The following SLC24A2 variants were observed in gnomAD, a reference collection of about 807,000 sequenced individuals.
SLC24A2 encodes the protein sodium/potassium/calcium exchanger 2.
A neutral mutation model predicts 62.0 loss-of-function variants in SLC24A2; 36 were observed. That is an observed-to-expected ratio of 0.58 (90% confidence interval 0.44 to 0.77). SLC24A2 has a LOEUF of 0.77. Among genes scored for constraint, SLC24A2 ranks in the 30% least tolerant of loss-of-function variants. The pLI is 0.00. For synonymous variants in SLC24A2, 358 were observed against 294.0 expected (o/e 1.22, Z -2.23); for missense variants, 846 against 817.9 (o/e 1.03, Z -0.42).
chr9:19,829,808 TATAC>T, the SLC24A2 span, among the ~76,000 whole-genome samples: 802 of 26,688 alleles, frequency 0.03, 10 homozygotes, highest in African/African-American at 0.045. Context: ...TATATATATA[TATAC>T]ACACACACAC....
the SLC24A2 span, among the ~76,000 whole-genome samples, chr9:20,230,637 T>G: frequency 1.3e-5 from 2 of 152,334 alleles, no homozygotes; most frequent in South Asian, 4.2e-4. Context: ...ATATTAGCCC[T>G]TTGTCAGACG....
At chr9:19,928,381 G>C in the SLC24A2 span, 11 of 152,278 alleles carry the variant, frequency 7.2e-5, no homozygotes. Flanking sequence ...TGGAAGGAGA[G>C]GTTTCTGGGT....
the SLC24A2 span, among the ~76,000 whole-genome samples, chr9:20,171,883 A>T: frequency 6.6e-6 from 1 of 152,086 alleles, no homozygotes; most frequent in Non-Finnish European, 1.5e-5. Flanking sequence ...TATTTACAGA[A>T]CATTCTACCC....
chr9:19,683,645 T>C (rs1488719181), intron 2 of SLC24A2, among the ~76,000 whole-genome samples: 2 of 152,110 alleles, frequency 1.3e-5, no homozygotes, highest in East Asian at 3.9e-4. Context: ...TCCCACTTAT[T>C]TTAAATGGAG....
the SLC24A2 span, among the ~76,000 whole-genome samples, chr9:20,271,028 C>T: frequency 6.6e-6 from 1 of 152,126 alleles, no homozygotes; most frequent in Non-Finnish European, 1.5e-5. Flanking sequence ...CTGTCTCTTG[C>T]TTAATCCTCC....
chr9:19,807,163 C>G, the SLC24A2 span, among the ~76,000 whole-genome samples: 1 of 152,126 alleles, frequency 6.6e-6, no homozygotes, highest in Non-Finnish European at 1.5e-5. Flanking sequence ...GGAAACAATC[C>G]TGCTGATCTG....
chr9:20,259,184 G>T, the SLC24A2 span, among the ~76,000 whole-genome samples: 1 of 152,152 alleles, frequency 6.6e-6, no homozygotes, highest in African/African-American at 2.4e-5. Context: ...AGAGCCTCCA[G>T]GAAAAATTGA....
the SLC24A2 span, among the ~76,000 whole-genome samples, chr9:19,909,807 C>T: frequency 8.5e-5 from 13 of 152,178 alleles, no homozygotes; most frequent in African/African-American, 3.1e-4. Context: ...CTCAAAAAAA[C>T]GGTTATGCCA....
chr9:20,074,563 A>C, the SLC24A2 span, among the ~76,000 whole-genome samples: 17 of 62,328 alleles, frequency 2.7e-4, no homozygotes, highest in South Asian at 2.4e-3. Context: ...GGCAGGAAGG[A>C]AGGAAGGAAG....
At chr9:19,520,013 T>C (rs1044498285) in intron 10 of SLC24A2, among the ~76,000 whole-genome samples, 5 of 152,196 alleles carry the variant, frequency 3.3e-5, no homozygotes, top group Admixed American at 6.5e-5. Flanking sequence ...CATAGGATTA[T>C]TGTGTGGCTT....
At chr9:19,833,819 C>T in the SLC24A2 span, among the ~76,000 whole-genome samples, 2 of 152,352 alleles carry the variant, frequency 1.3e-5, no homozygotes, top group East Asian at 3.9e-4. Flanking sequence ...AACTGGGGGG[C>T]ACCCCCAACT....
the SLC24A2 span, among the ~76,000 whole-genome samples, chr9:19,892,400 A>T: frequency 1.3e-5 from 2 of 152,194 alleles, no homozygotes; most frequent in Non-Finnish European, 2.9e-5. Flanking sequence ...CCCACCAGAA[A>T]ATGAGCTTCT....
chr9:20,075,841 G>A, the SLC24A2 span, among the ~76,000 whole-genome samples: 2 of 151,950 alleles, frequency 1.3e-5, no homozygotes, highest in Non-Finnish European at 2.9e-5. Context: ...GTCATCCCTC[G>A]GCATCCATGA....
chr9:19,580,087 G>A (rs923781302), intron 5 of SLC24A2, among the ~76,000 whole-genome samples: 4 of 152,230 alleles, frequency 2.6e-5, no homozygotes, highest in Admixed American at 6.5e-5. Flanking sequence ...AACAGTAAGA[G>A]GGATTAGCGT....
the SLC24A2 span, among the ~76,000 whole-genome samples, chr9:20,186,360 C>G: frequency 2.0e-5 from 3 of 152,200 alleles, no homozygotes; most frequent in African/African-American, 7.2e-5. Context: ...ACCATTCTGA[C>G]TGAGATATTC....
At chr9:20,186,711 A>G in the SLC24A2 span, among the ~76,000 whole-genome samples, 1 of 152,202 alleles carries the variant, frequency 6.6e-6, no homozygotes, top group Non-Finnish European at 1.5e-5. Context: ...AAGAGGAAAA[A>G]TAATGCCTAT....
At chr9:20,151,512 G>T in the SLC24A2 span, among the ~76,000 whole-genome samples, 4 of 151,714 alleles carry the variant, frequency 2.6e-5, no homozygotes, top group Non-Finnish European at 5.9e-5. Flanking sequence ...TTCCTCAGAG[G>T]GCTTTGCTAG....
chr9:20,096,392 T>C, the SLC24A2 span, among the ~76,000 whole-genome samples: 41,561 of 152,054 alleles, frequency 0.27, 6,281 homozygotes, highest in East Asian at 0.62. Flanking sequence ...ATAGGGACAC[T>C]AATTATCCAC....
chr9:19,612,367 C>A (rs2208550), intron 4 of SLC24A2, among the ~76,000 whole-genome samples: 99,138 of 151,948 alleles, frequency 0.65, 32,734 homozygotes, highest in East Asian at 0.77. Flanking sequence ...AATTTAGAGA[C>A]AGAGGTCTTG....
Sources: allele counts gnomAD v4.1 joint callset (sites outside exome capture counted in the v4.1 genomes callset), GRCh38; gene constraint gnomAD v4.1.1; transcripts MANE v1.5; gene names NCBI Gene and HGNC (gene_info 2026-07-23, HGNC 2026-07-21).